Variants in IL21R observed in about 807,000 individuals in gnomAD.
IL21R encodes the protein interleukin-21 receptor.
In IL21R, 14 loss-of-function variants were observed where a neutral mutation model predicts 41.3. That is an observed-to-expected ratio of 0.34 (90% confidence interval 0.22 to 0.53). The LOEUF (loss-of-function observed/expected upper bound fraction) is 0.53, where lower values mean the gene tolerates loss of function less well. IL21R is among the 20% of genes least tolerant of loss of function. The pLI, the probability that IL21R is intolerant of heterozygous loss-of-function variation, is 0.94. For missense variants in IL21R, 588 were observed against 681.6 expected, an observed-to-expected ratio of 0.86 and a Z score of 1.53; for synonymous variants, 286 against 287.6, an observed-to-expected ratio of 0.99 and a Z score of 0.05.
In IL21R at chr16:27,448,646, A is replaced by C. The variant is rs747283184; in HGVS notation, c.980A>C (p.Lys327Thr). 2 of 1,613,008 alleles carry C rather than the reference A, an allele frequency of 1.2e-6. No individual in the cohort carries two copies. The highest frequency in any genetic ancestry group is 1.7e-6 in the Non-Finnish European group (2 of 1,180,014). ...TGCCACCCACCACGGAGCCCGGCCA[A>C]GAGGCTGCAGCTCACGGAGCTACAA... ...YSCHPPRSPA[K>T]RLQLTELQEP... The change falls in exon 9 of 9, where the codon AAG (lysine) becomes ACG (threonine). Residue 327 changes from lysine to threonine, a missense_variant. By Grantham distance (78) the Lys-to-Thr change is moderately conservative. Transcript: ENST00000337929.
chr16:27,430,310 G>A (rs1490388741), intron 2 of IL21R, among the ~76,000 whole-genome samples, 190 bp downstream of exon 2: 7 of 152,196 alleles, frequency 4.6e-5, no homozygotes, highest in Non-Finnish European at 2.9e-5. Flanking sequence ...ATCCACCAAA[G>A]GGCTCCATGA....
rs1037779567 is a variant in IL21R at position 27,422,921 on chromosome 16, T to C, written c.-16-7135T>C. Among the ~76,000 whole-genome samples the C allele has an allele frequency of 3.9e-5, 6 of 152,358 alleles. No individual in the cohort carries two copies. The South Asian group carries it at 6.2e-4, about 16-fold the overall frequency. ...AGCATATAAGCAGATTACACCTTGA[T>C]GCAGTCAAGAATGAACTATTTCTAA... On this transcript the variant is annotated intron_variant, in intron 1 of 8. Coordinates refer to ENST00000337929, the MANE Select transcript of IL21R (RefSeq NM_181078.3).
chr16:27,440,641 C>A (rs1157227944), intron 4 of IL21R, among the ~76,000 whole-genome samples: 1 of 152,192 alleles, frequency 6.6e-6, no homozygotes, highest in East Asian at 1.9e-4. Flanking sequence ...TGGGCACAGA[C>A]TGAACCTGGA....
intron 4 of IL21R, among the ~76,000 whole-genome samples, chr16:27,442,275 G>A (rs1015556042): frequency 6.6e-6 from 1 of 152,046 alleles, no homozygotes; most frequent in African/African-American, 2.4e-5. Flanking sequence ...CGTGTGTGTA[G>A]GCATGTGCGT....
At chr16:27,405,703 C>A (rs1457611367) in intron 1 of IL21R, among the ~76,000 whole-genome samples, 2 of 152,316 alleles carry the variant, frequency 1.3e-5, no homozygotes, top group Non-Finnish European at 1.5e-5. Flanking sequence ...CCACCCCCAC[C>A]CCTGGCTCAC....
chr16:27,405,719 C>T (rs1048760696), intron 1 of IL21R, among the ~76,000 whole-genome samples: 1 of 151,710 alleles, frequency 6.6e-6, no homozygotes, highest in African/African-American at 2.4e-5. Context: ...CTCACAGGTG[C>T]CACCGCCCCC....
intron 4 of IL21R, among the ~76,000 whole-genome samples, chr16:27,439,034 G>A (rs1158442894): frequency 1.3e-5 from 2 of 152,156 alleles, no homozygotes; most frequent in African/African-American, 4.8e-5. Context: ...CCGCCCATGA[G>A]CTCGGGAGTT....
At chr16:27,408,828 G>A (rs1188929406) in intron 1 of IL21R, among the ~76,000 whole-genome samples, 1 of 152,144 alleles carries the variant, frequency 6.6e-6, no homozygotes, top group African/African-American at 2.4e-5. Flanking sequence ...ACATTGCAGA[G>A]AATGGCCGAC....
chr16:27,419,818 TA>T (rs2086970601), intron 1 of IL21R, among the ~76,000 whole-genome samples: 7 of 8,024 alleles, frequency 8.7e-4, no homozygotes, highest in East Asian at 0.17. Context: ...TAACATAGTT[TA>T]TTATTATTAT....
At chr16:27,434,475 C>T (rs760931138) in intron 3 of IL21R, 26 bp downstream of exon 3, 3 of 1,462,790 alleles carry the variant, frequency 2.1e-6, no homozygotes, top group East Asian at 2.3e-5. Flanking sequence ...TCACCAGTCC[C>T]CGGGGATGCA....
chr16:27,403,570 G>C (rs143706965), intron 1 of IL21R, among the ~76,000 whole-genome samples: 66 of 152,314 alleles, frequency 4.3e-4, no homozygotes, highest in African/African-American at 1.4e-3. Context: ...TCTGCTTCTA[G>C]CCTTGAGAAG....
chr16:27,404,560 C>T (rs771444477), intron 1 of IL21R, among the ~76,000 whole-genome samples: 12 of 152,140 alleles, frequency 7.9e-5, no homozygotes, highest in Non-Finnish European at 1.5e-4. Context: ...ATGAAAGGAA[C>T]GGGGTATCCG....
intron 1 of IL21R, among the ~76,000 whole-genome samples, chr16:27,421,957 C>T (rs2087007126): frequency 6.6e-6 from 1 of 152,026 alleles, no homozygotes; most frequent in Non-Finnish European, 1.5e-5. Context: ...AGGAGCAAAG[C>T]TTTCATTTCT....
In IL21R at chr16:27,449,557, A is replaced by G. The variant is rs143557611; in HGVS notation, c.*274A>G. The stretch of plus-strand genomic sequence containing the variant: ...CCTGGGATAATGCCCATGGTACTCC[A>G]TGCATTCACCTGCCCTGTGCATGTC... On this transcript the variant is annotated 3_prime_UTR_variant, in exon 9 of 9. Coordinates refer to ENST00000337929, the MANE Select transcript of IL21R (RefSeq NM_181078.3). 5.7e-4 allele frequency: 294 copies of G among 519,812 alleles called. No individual in the cohort carries two copies. Among genetic ancestry groups the G allele is most frequent in the African/African-American group, 4.1e-3 (215 of 52,814 alleles). The allele number at this position is 519,812 out of a possible 1,614,324, so 32.2% of individuals were successfully genotyped here.
intron 2 of IL21R, among the ~76,000 whole-genome samples, chr16:27,431,277 C>T (rs1311508992): frequency 1.3e-5 from 2 of 152,214 alleles, no homozygotes; most frequent in Non-Finnish European, 2.9e-5. Context: ...TTCTAAAAAG[C>T]CTTTGGGTCA....
intron 1 of IL21R, among the ~76,000 whole-genome samples, chr16:27,403,664 G>A (rs979125911): frequency 3.9e-5 from 6 of 152,208 alleles, no homozygotes; most frequent in Non-Finnish European, 8.8e-5. Context: ...GGCCGAACAG[G>A]GTGAAAGCTG....
At chr16:27,421,756 T>G (rs2087004428) in intron 1 of IL21R, among the ~76,000 whole-genome samples, 1 of 152,138 alleles carries the variant, frequency 6.6e-6, no homozygotes, top group Non-Finnish European at 1.5e-5. Flanking sequence ...TTTTGTTCGT[T>G]TTAGGTGTAA....
At chr16:27,445,884 G>A in intron 7 of IL21R, 123 bp from the exon 8 acceptor site, 4 of 609,650 alleles carry the variant, frequency 6.6e-6, no homozygotes, top group Non-Finnish European at 1.1e-5. Flanking sequence ...AAGGAGGGAG[G>A]CGCCTGGGCT....
chr16:27,434,135 C>T (rs981318942), intron 2 of IL21R, among the ~76,000 whole-genome samples: 3 of 151,642 alleles, frequency 2.0e-5, no homozygotes, highest in Non-Finnish European at 4.4e-5. Context: ...TCATAGCCAG[C>T]CTTGAAACAT....
Sources: allele counts gnomAD v4.1 joint callset (sites outside exome capture counted in the v4.1 genomes callset), GRCh38; gene constraint gnomAD v4.1.1; transcripts MANE v1.5; gene names NCBI Gene and HGNC (gene_info 2026-07-23, HGNC 2026-07-21).